Variants in TMEM116 observed in about 807,000 individuals in gnomAD.
TMEM116 encodes the protein transmembrane protein 116.
A neutral mutation model predicts 44.3 loss-of-function variants in TMEM116; 38 were observed. That is an observed-to-expected ratio of 0.86 (90% confidence interval 0.66 to 1.12). The LOEUF (loss-of-function observed/expected upper bound fraction) is 1.12, where lower values mean the gene tolerates loss of function less well. Ranked by LOEUF, TMEM116 falls within the 50% of genes most tolerant of loss-of-function variation. The pLI, the probability that TMEM116 is intolerant of heterozygous loss-of-function variation, is 0.00. For synonymous variants in TMEM116, 132 were observed against 144.8 expected, an observed-to-expected ratio of 0.91 and a Z score of 0.64; for missense variants, 354 against 401.7, an observed-to-expected ratio of 0.88 and a Z score of 1.01.
chr12:111,944,436 G>C (rs2073091287), intron 4 of TMEM116, among the ~76,000 whole-genome samples: 1 of 152,012 alleles, frequency 6.6e-6, no homozygotes, highest in African/African-American at 2.4e-5. Flanking sequence ...GTGGTGGGCA[G>C]ATCATGAGGT....
intron 3 of TMEM116, among the ~76,000 whole-genome samples, chr12:111,995,995 G>T (rs1004460392): frequency 1.4e-5 from 2 of 142,704 alleles, no homozygotes; most frequent in African/African-American, 5.3e-5. Context: ...AGCCATGATT[G>T]CATCACTGCA....
At chr12:111,985,730 G>C (rs939110051) in intron 4 of TMEM116, among the ~76,000 whole-genome samples, 1 of 151,998 alleles carries the variant, frequency 6.6e-6, no homozygotes, top group Non-Finnish European at 1.5e-5. Context: ...CAGAGTAGCT[G>C]GAATTATAGG....
intron 4 of TMEM116, among the ~76,000 whole-genome samples, chr12:111,980,342 C>A (rs2339907): frequency 0.45 from 68,803 of 152,018 alleles, 19,907 homozygotes; most frequent in East Asian, 0.9. Flanking sequence ...GTATGATTCC[C>A]ATTATATGAC....
At chr12:111,943,460 A>C in intron 4 of TMEM116, 91 bp from the exon 5 acceptor site, 1 of 895,792 alleles carries the variant, frequency 1.1e-6, no homozygotes, top group Non-Finnish European at 1.8e-6. Context: ...TATTATGAGA[A>C]TCCTACCTAC....
intron 3 of TMEM116, among the ~76,000 whole-genome samples, chr12:112,001,483 G>T (rs57439171): frequency 9.9e-5 from 15 of 152,032 alleles, no homozygotes; most frequent in Non-Finnish European, 2.1e-4. Context: ...GGACCATTTG[G>T]CATTGTTTGA....
chr12:111,995,306 T>A (rs904410199), intron 3 of TMEM116, among the ~76,000 whole-genome samples: 1 of 152,040 alleles, frequency 6.6e-6, no homozygotes, highest in Non-Finnish European at 1.5e-5. Flanking sequence ...TATATATAGA[T>A]CTCTGATGTA....
In TMEM116 at chr12:111,993,099, G is replaced by A. The variant is rs754051326; in HGVS notation, c.79-1210C>T. On this transcript the variant is annotated intron_variant, in intron 3 of 10. Transcript: ENST00000552374. Reference sequence around the variant, plus strand: ...CCTCCACAGCGGTCCCACAAGACCCGCAAGGCCCCCCCACTGCTCTCTTAA... The same window carrying A: ...CCTCCACAGCGGTCCCACAAGACCCACAAGGCCCCCCCACTGCTCTCTTAA... The A allele has an allele frequency of 2.9e-4, 58 of 202,760 alleles. 1 individual carries two copies. Among genetic ancestry groups the A allele is most frequent in the Non-Finnish European group, 2.7e-4 (26 of 97,218 alleles). The allele number at this position is 202,760 out of a possible 1,614,324, so 12.6% of individuals were successfully genotyped here. A position where few individuals can be genotyped will look rare whatever the true frequency, so the allele number is the denominator to read the frequency against.
At chr12:111,983,136 TA>T (rs1000238300) in intron 4 of TMEM116, among the ~76,000 whole-genome samples, 35 of 145,448 alleles carry the variant, frequency 2.4e-4, no homozygotes, top group Admixed American at 8.9e-4. Flanking sequence ...TCTATCTCTC[TA>T]AAAAAAAAAA....
rs995007756 is a variant in TMEM116, at chr12:112,005,702, A to G, written c.-33-399T>C. ...GGAGAGAAAACTAATAAAAGGAAGA[A>G]CAAAATGTAGAGTGGGTAGAAAAAG... On this transcript the variant is annotated intron_variant, in intron 1 of 10. Transcript: ENST00000552374. 3.0e-6 allele frequency: 3 copies of G among 985,246 alleles called. No homozygotes were observed. The Admixed American group carries it at 1.8e-4, about 60-fold the overall frequency. 61.0% of individuals were successfully genotyped at this position (985,246 alleles called of 1,614,324 possible). A position where few individuals can be genotyped will look rare whatever the true frequency, so the allele number is the denominator to read the frequency against.
intron 1 of TMEM116, among the ~76,000 whole-genome samples, chr12:112,009,535 TA>T (rs35585213): frequency 0.03 from 3,829 of 125,790 alleles, 103 homozygotes; most frequent in African/African-American, 0.061. Flanking sequence ...TGGGTTTACT[TA>T]AAAAAAAAAA....
At chr12:111,959,320 G>C (rs1330338814) in intron 4 of TMEM116, among the ~76,000 whole-genome samples, 1 of 152,144 alleles carries the variant, frequency 6.6e-6, no homozygotes, top group East Asian at 1.9e-4. Flanking sequence ...TCACCACCAG[G>C]CCTGCCTTAC....
chr12:111,944,367 C>T (rs779028812), intron 4 of TMEM116, among the ~76,000 whole-genome samples: 7 of 152,036 alleles, frequency 4.6e-5, no homozygotes, highest in East Asian at 1.9e-4. Flanking sequence ...CTGGTAAGAG[C>T]GAGTATAGGA....
intron 4 of TMEM116, among the ~76,000 whole-genome samples, chr12:111,990,061 C>G (rs539337138): frequency 6.6e-6 from 1 of 152,240 alleles, no homozygotes; most frequent in South Asian, 2.1e-4. Flanking sequence ...CGAGACCATC[C>G]TGGTTAACAT....
chr12:111,947,022 T>C (rs1490701603), intron 4 of TMEM116, among the ~76,000 whole-genome samples: 3 of 152,204 alleles, frequency 2.0e-5, no homozygotes, highest in Non-Finnish European at 4.4e-5. Context: ...TACAGGTTTT[T>C]CTTTAAATTC....
chr12:111,939,880 C>CTGTGTGTGTG lies in TMEM116; in HGVS notation c.316-1680_316-1671dup, dbSNP rs61322648. On this transcript the variant is annotated intron_variant, in intron 5 of 10. Transcript: ENST00000552374. ...AAGAAGAAAAAGTATCTTCAAAGCT[C>CTGTGTGTGTG]TGTGTGTGTGTGTGTGTGTGTGTGT... 5.6e-3 allele frequency among the ~76,000 whole-genome samples: 725 copies of CTGTGTGTGTG among 130,430 alleles called. 5 individuals carry two copies. Among genetic ancestry groups the CTGTGTGTGTG allele is most frequent in the African/African-American group, 8.3e-3 (291 of 35,034 alleles). 85.6% of individuals were successfully genotyped at this position (130,430 alleles called of 152,430 possible). A position where few individuals can be genotyped will look rare whatever the true frequency, so the allele number is the denominator to read the frequency against.
chr12:111,959,565 A>G (rs1163370782), intron 4 of TMEM116, among the ~76,000 whole-genome samples: 1 of 152,236 alleles, frequency 6.6e-6, no homozygotes, highest in Non-Finnish European at 1.5e-5. Flanking sequence ...TTGGATAAAG[A>G]GTCAAGACCC....
chr12:111,977,846 G>T lies in TMEM116; in HGVS notation c.210+13912C>A, dbSNP rs762734678. 1.8e-4 allele frequency among the ~76,000 whole-genome samples: 27 copies of T among 152,010 alleles called. 1 individual carries two copies. The highest frequency in any genetic ancestry group is 1.3e-4 in the Non-Finnish European group (9 of 67,996). On this transcript the variant is annotated intron_variant, in intron 4 of 10. Coordinates refer to ENST00000552374, the MANE Select transcript of TMEM116 (RefSeq NM_001193531.2). ...ATAGTATTATTTGAAAGTAAACTTA[G>T]ATTAGTAAATGTGTAAGACAAACTC...
At chr12:111,990,721 G>T (rs2076511878) in intron 4 of TMEM116, among the ~76,000 whole-genome samples, 1 of 152,104 alleles carries the variant, frequency 6.6e-6, no homozygotes, top group Non-Finnish European at 1.5e-5. Context: ...ATTACATACT[G>T]ATGGCACTAT....
Position 111,934,024 on chromosome 12 carries a change from G to T in TMEM116, c.595C>A (p.Leu199Ile). 1 of 1,613,990 alleles carries T rather than the reference G, an allele frequency of 6.2e-7. No individual in the cohort carries two copies. The highest frequency in any genetic ancestry group is 8.5e-7 in the Non-Finnish European group (1 of 1,179,940). The stretch of plus-strand genomic sequence containing the variant: ...TTATACAATGTCTGGGCTCGGATAA[G>T]TAAGACCTAAATATGAGTACAGCAG... ...VLSLLTIMVLLIRAQTLYKKF... is the reference protein window; with the variant it reads ...VLSLLTIMVLIIRAQTLYKKF... Residue 199 changes from leucine to isoleucine, a missense_variant, in exon 9 of 11, where the codon CTT becomes ATT. Physicochemically the swap from Leu to Ile is conservative, Grantham distance 5. Coordinates refer to ENST00000552374, the MANE Select transcript of TMEM116 (RefSeq NM_001193531.2).
Sources: gnomAD v4.1 joint callset for allele counts (sites outside exome capture counted in the v4.1 genomes callset) on GRCh38, gnomAD v4.1.1 for gene constraint, MANE v1.5 for transcripts, NCBI Gene and HGNC (gene_info 2026-07-23, HGNC 2026-07-21) for gene names.